Variants in NBAS observed in about 807,000 individuals in gnomAD.
NBAS encodes NAG/BC035112 fusion.
A neutral mutation model predicts 302.5 loss-of-function variants in NBAS; 219 were observed. That is an observed-to-expected ratio of 0.72 (90% CI 0.65 to 0.81). The LOEUF is 0.81. Ranked by LOEUF, NBAS falls within the 30% of genes least tolerant of loss-of-function variation. NBAS has a pLI of 0.00. For missense variants in NBAS, 2,932 were observed against 2,841.6 expected, an observed-to-expected ratio of 1.03 and a Z score of -0.72; for synonymous variants, 1,118 against 1,021.6, an observed-to-expected ratio of 1.09 and a Z score of -1.80.
At chr2:14,783,109 T>C in the NBAS span, among the ~76,000 whole-genome samples, 2 of 151,868 alleles carry the variant, frequency 1.3e-5, no homozygotes, top group South Asian at 4.2e-4. Flanking sequence ...GAACCGAAAA[T>C]AAAAGTCAAA....
chr2:15,322,636 T>C (rs1218891536), intron 38 of NBAS, among the ~76,000 whole-genome samples: 1 of 152,166 alleles, frequency 6.6e-6, no homozygotes, highest in African/African-American at 2.4e-5. Flanking sequence ...TTTCATCAAC[T>C]TTATTAAAAA....
intron 47 of NBAS, among the ~76,000 whole-genome samples, chr2:15,219,232 T>C (rs1416699056): frequency 6.6e-6 from 1 of 152,182 alleles, no homozygotes; most frequent in East Asian, 1.9e-4. Context: ...GGCTAGCTTA[T>C]TTCAAAATTT....
chr2:15,467,892 T>A, intron 17 of NBAS, 88 bp from the exon 18 acceptor site: 1 of 1,113,038 alleles, frequency 9.0e-7, no homozygotes, highest in Non-Finnish European at 1.3e-6. Flanking sequence ...CTGATTTCAT[T>A]ATTGATTTCC....
At chr2:15,277,528 T>C (rs1669640730) in intron 42 of NBAS, among the ~76,000 whole-genome samples, 1 of 152,178 alleles carries the variant, frequency 6.6e-6, no homozygotes, top group Non-Finnish European at 1.5e-5. Context: ...ATTTAGGAAA[T>C]GATACAGAAA....
intron 48 of NBAS, among the ~76,000 whole-genome samples, chr2:15,203,805 AACT>A (rs1363310328): frequency 2.6e-5 from 4 of 152,024 alleles, no homozygotes; most frequent in Non-Finnish European, 5.9e-5. Flanking sequence ...AAATGAACCT[AACT>A]ACTAATAAGT....
At chr2:15,515,736 A>C (rs1157062548) in intron 9 of NBAS, among the ~76,000 whole-genome samples, 1 of 152,226 alleles carries the variant, frequency 6.6e-6, no homozygotes, top group Non-Finnish European at 1.5e-5. Context: ...AACACTGGCC[A>C]GAAGTGAGGA....
intron 35 of NBAS, among the ~76,000 whole-genome samples, chr2:15,332,339 G>T (rs1206490074): frequency 6.6e-6 from 1 of 152,220 alleles, no homozygotes; most frequent in Non-Finnish European, 1.5e-5. Context: ...CAACTGTATT[G>T]TTCTAAAGCT....
At chr2:15,213,568 G>A (rs1215404054) in intron 48 of NBAS, among the ~76,000 whole-genome samples, 3 of 152,188 alleles carry the variant, frequency 2.0e-5, no homozygotes, top group Non-Finnish European at 4.4e-5. Flanking sequence ...AGGAAGAAGT[G>A]TAGTACAAGG....
At chr2:14,952,087 A>AC in the NBAS span, among the ~76,000 whole-genome samples, 4 of 152,076 alleles carry the variant, frequency 2.6e-5, no homozygotes, top group African/African-American at 9.7e-5. Context: ...CTCAGAAAGG[A>AC]CCCTGCCTCC....
intron 27 of NBAS, 97 bp downstream of exon 27, chr2:15,396,316 G>A (rs1675861959): frequency 5.1e-6 from 5 of 980,076 alleles, no homozygotes; most frequent in Middle Eastern, 2.1e-4. Context: ...TGAGGTTAAA[G>A]TAGAAACGAT....
At chr2:15,156,655 C>A in the NBAS span, among the ~76,000 whole-genome samples, 2 of 152,180 alleles carry the variant, frequency 1.3e-5, no homozygotes, top group Non-Finnish European at 2.9e-5. Flanking sequence ...CCAAAGGCCC[C>A]ACCTCTGAAT....
intron 9 of NBAS, 61 bp from the exon 10 acceptor site, chr2:15,511,411 A>C: frequency 6.7e-7 from 1 of 1,493,208 alleles, no homozygotes; most frequent in Non-Finnish European, 9.3e-7. Flanking sequence ...AGCAAAACAA[A>C]GAGAGCAGAA....
chr2:15,431,762 G>C (rs764615117), intron 21 of NBAS, among the ~76,000 whole-genome samples: 1 of 152,100 alleles, frequency 6.6e-6, no homozygotes, highest in Non-Finnish European at 1.5e-5. Flanking sequence ...TTATTAAACT[G>C]ATGGAAGAGC....
the NBAS span, among the ~76,000 whole-genome samples, chr2:15,122,932 A>G: frequency 4.3e-3 from 640 of 148,088 alleles, 3 homozygotes; most frequent in Non-Finnish European, 7.5e-3. Flanking sequence ...ACTACATCCT[A>G]ATGTGGTGTG....
the NBAS span, among the ~76,000 whole-genome samples, chr2:15,084,434 T>C: frequency 0.026 from 4,005 of 152,242 alleles, 179 homozygotes; most frequent in African/African-American, 0.092. Flanking sequence ...TAGCTATCAT[T>C]TGTTAATTAA....
chr2:14,919,730 C>A, the NBAS span, among the ~76,000 whole-genome samples: 1 of 152,190 alleles, frequency 6.6e-6, no homozygotes. Context: ...AAACAAATTT[C>A]TTTCTTCATC....
chr2:15,348,724 T>A (rs904803326), intron 35 of NBAS, among the ~76,000 whole-genome samples: 1 of 151,562 alleles, frequency 6.6e-6, no homozygotes, highest in Non-Finnish European at 1.5e-5. Context: ...AAAATCCACT[T>A]CCTAATTTAT....
chr2:15,504,097 G>T, intron 11 of NBAS, 48 bp downstream of exon 11: 1 of 1,479,034 alleles, frequency 6.8e-7, no homozygotes, highest in Non-Finnish European at 9.5e-7. Flanking sequence ...GGTACTTCAG[G>T]GTAAAAATGT....
At chr2:15,372,790 C>T (rs555906208) in intron 31 of NBAS, among the ~76,000 whole-genome samples, 1 of 152,308 alleles carries the variant, frequency 6.6e-6, no homozygotes, top group South Asian at 2.1e-4. Context: ...GGTATTCAAA[C>T]CCAGCAGCTG....
Sources: gnomAD v4.1 joint callset for allele counts (sites outside exome capture counted in the v4.1 genomes callset) on GRCh38, gnomAD v4.1.1 for gene constraint, MANE v1.5 for transcripts, NCBI Gene and HGNC (gene_info 2026-07-23, HGNC 2026-07-21) for gene names.